CCNK: variants seen among roughly 807,000 people sequenced by gnomAD.
CCNK encodes the protein cyclin-K.
CCNK carries 9 observed loss-of-function variants against 65.0 expected under a neutral mutation model. The ratio of observed to expected loss-of-function variants is 0.14; its 90% CI spans 0.08 to 0.24. CCNK has a LOEUF of 0.24. Ranked by LOEUF, CCNK falls within the 10% of genes least tolerant of loss-of-function variation. The pLI is 1.00. For missense variants in CCNK, 474 were observed against 720.0 expected (o/e 0.66, Z 3.91); for synonymous variants, 279 against 270.8 (o/e 1.03, Z -0.30).
intron 3 of CCNK, chr14:99,494,118 G>C (rs1392920850): frequency 6.5e-6 from 1 of 152,934 alleles, no homozygotes; most frequent in African/African-American, 2.4e-5. Flanking sequence ...ATCTTGGAGA[G>C]AGCAGGGAAA....
At chr14:99,488,196 T>G (rs1476256578) in intron 1 of CCNK, among the ~76,000 whole-genome samples, 1 of 151,924 alleles carries the variant, frequency 6.6e-6, no homozygotes, top group Admixed American at 6.6e-5. Context: ...GAAAATTAAC[T>G]GACAGTAATT....
At chr14:99,501,090 G>A (rs1209019039) in intron 5 of CCNK, 1 of 599,662 alleles carries the variant, frequency 1.7e-6, no homozygotes, top group African/African-American at 1.9e-5. Flanking sequence ...GATGGGAGAG[G>A]CAGGAAAATG....
intron 1 of CCNK, among the ~76,000 whole-genome samples, chr14:99,491,521 G>T (rs1474756205): frequency 6.6e-6 from 1 of 152,174 alleles, no homozygotes; most frequent in Non-Finnish European, 1.5e-5. Context: ...CCCGCCCTTT[G>T]AACAGTGCCC....
intron 2 of CCNK, 190 bp downstream of exon 2, chr14:99,493,064 C>T: frequency 1.7e-6 from 1 of 587,270 alleles, no homozygotes; most frequent in Non-Finnish European, 2.8e-6. Flanking sequence ...GTAGACTTAG[C>T]CACTGAGGAG....
intron 1 of CCNK, among the ~76,000 whole-genome samples, chr14:99,481,939 C>T (rs908532155): frequency 6.6e-6 from 1 of 152,192 alleles, no homozygotes; most frequent in Non-Finnish European, 1.5e-5. Context: ...TGGAGAGCCA[C>T]GTAACGAGGG....
At chr14:99,502,569 A>T (rs1896860038) in intron 7 of CCNK, 150 bp from the exon 8 acceptor site, 1 of 1,200,114 alleles carries the variant, frequency 8.3e-7, no homozygotes, top group Admixed American at 2.5e-5. Context: ...AAAAATACAC[A>T]CCAGTGTTGC....
At chr14:99,502,423 T>C (rs1165554824) in intron 7 of CCNK, 47 bp downstream of exon 7, 1 of 1,594,022 alleles carries the variant, frequency 6.3e-7, no homozygotes, top group Admixed American at 1.7e-5. Context: ...CATGTTGAGA[T>C]GATTCTTCCA....
chr14:99,497,375 T>C (rs957377135), intron 4 of CCNK, among the ~76,000 whole-genome samples: 2 of 152,242 alleles, frequency 1.3e-5, no homozygotes, highest in African/African-American at 4.8e-5. Flanking sequence ...CTCTTTCACT[T>C]AGTGGTGTGC....
At chr14:99,501,600 G>T (rs576835489) in intron 6 of CCNK, 187 bp downstream of exon 6, 194 of 573,668 alleles carry the variant, frequency 3.4e-4, no homozygotes, top group African/African-American at 3.2e-3. Context: ...GTTTCCTTCT[G>T]CCCTGCCGTG....
intron 10 of CCNK, 98 bp downstream of exon 10, chr14:99,507,245 C>T: frequency 1.3e-6 from 1 of 794,952 alleles, no homozygotes; most frequent in Non-Finnish European, 2.2e-6. Context: ...GACTGGGGCC[C>T]AGATTGACAA....
At chr14:99,490,568 C>G (rs984296444) in intron 1 of CCNK, among the ~76,000 whole-genome samples, 4 of 152,046 alleles carry the variant, frequency 2.6e-5, no homozygotes, top group African/African-American at 9.7e-5. Flanking sequence ...GTTTCCATTC[C>G]TGTCTTTTCC....
chr14:99,502,908 A>G lies in CCNK; in HGVS notation c.935A>G (p.Gln312Arg), dbSNP rs534989573. ...PQQKDPQQPA[Q>R]QQQPAQQPKK... ...CAGAAGGACCCCCAGCAACCAGCCCAGCAGCAGCAGCCAGCCCAACAGCCC... is the reference window on the plus strand; with the variant it reads ...CAGAAGGACCCCCAGCAACCAGCCCGGCAGCAGCAGCCAGCCCAACAGCCC... Residue 312 changes from glutamine (Q) to arginine (R), a missense_variant, in exon 8 of 11, where the codon CAG becomes CGG. Coordinates refer to ENST00000389879, the MANE Select transcript of CCNK (RefSeq NM_001099402.2). The G allele has an allele frequency of 1.2e-6, 2 of 1,613,328 alleles. No individual in the cohort carries two copies. The highest frequency in any genetic ancestry group is 4.5e-5 in the East Asian group (2 of 44,842).
At chr14:99,493,443 T>G (rs1896636418) in intron 2 of CCNK, 71 bp from the exon 3 acceptor site, 1 of 913,110 alleles carries the variant, frequency 1.1e-6, no homozygotes, top group Non-Finnish European at 1.7e-6. Flanking sequence ...TTTGTCTTTT[T>G]GTTTTTCTAC....
chr14:99,507,185 A>C, intron 10 of CCNK, 38 bp downstream of exon 10: 1 of 1,239,616 alleles, frequency 8.1e-7, no homozygotes, highest in Non-Finnish European at 1.2e-6. Context: ...AGCTGTGCAC[A>C]TCGCCTCTGA....
intron 9 of CCNK, chr14:99,506,838 A>G (rs1896987682): frequency 1.6e-5 from 8 of 490,878 alleles, no homozygotes; most frequent in Non-Finnish European, 3.0e-5. Flanking sequence ...TTAGGTAGAC[A>G]TGGAAAATGG....
At chr14:99,501,551 C>A in intron 6 of CCNK, 138 bp downstream of exon 6, 1 of 627,388 alleles carries the variant, frequency 1.6e-6, no homozygotes, top group Non-Finnish European at 2.8e-6. Context: ...AATGGCAAAG[C>A]TGGGGCTGAC....
rs772020352 is a variant in CCNK, at chr14:99,510,476, G to A, written c.1437G>A (p.Pro479=). 2.5e-5 allele frequency: 29 copies of A among 1,164,232 alleles called. No homozygotes were observed. The highest frequency in any genetic ancestry group is 1.6e-4 in the East Asian group (5 of 31,904). The allele number at this position is 1,164,232 out of a possible 1,614,324, so 72.1% of individuals were successfully genotyped here. The change falls in exon 11 of 11, where the codon CCG becomes CCA. Residue 479 remains proline, a synonymous_variant. Coordinates refer to ENST00000389879, the MANE Select transcript of CCNK (RefSeq NM_001099402.2). The stretch of plus-strand genomic sequence containing the variant: ...TGCCCTACCACCCCCATGTCTACCC[G>A]CCCAACCCGCCCCCGCCACCTGTGC... The part of the protein sequence containing the change: ...AHLPYHPHVY[P]PNPPPPPVPP...
At chr14:99,503,126 C>A in intron 8 of CCNK, 142 bp downstream of exon 8, 1 of 957,246 alleles carries the variant, frequency 1.0e-6, no homozygotes, top group Admixed American at 1.8e-5. Context: ...GACTGCTTGT[C>A]GGTGGGGAGC....
intron 1 of CCNK, among the ~76,000 whole-genome samples, chr14:99,481,921 T>G (rs921793731): frequency 6.6e-6 from 1 of 152,206 alleles, no homozygotes; most frequent in Admixed American, 6.5e-5. Flanking sequence ...ACTCCGACTT[T>G]GGAGTTTTGG....
Sources: allele counts gnomAD v4.1 joint callset (sites outside exome capture counted in the v4.1 genomes callset), GRCh38; gene constraint gnomAD v4.1.1; transcripts MANE v1.5; gene names NCBI Gene and HGNC (gene_info 2026-07-23, HGNC 2026-07-21).